Variants in CNTN4 observed in about 807,000 individuals in gnomAD.
The protein encoded by CNTN4 is contactin-4.
Under a neutral mutation model 122.5 loss-of-function variants are expected in CNTN4, and 77 were observed. That is an observed-to-expected ratio of 0.63 (90% CI 0.52 to 0.76). CNTN4 has a LOEUF of 0.76. Among genes scored for constraint, CNTN4 ranks in the 30% least tolerant of loss-of-function variants. CNTN4 has a pLI of 0.00. For synonymous variants in CNTN4, 512 were observed against 447.0 expected (o/e 1.15, Z -1.83); for missense variants, 1,256 against 1,259.1 (o/e 1.00, Z 0.04).
At chr3:2,683,352 A>G (rs1559383856) in intron 4 of CNTN4, among the ~76,000 whole-genome samples, 1 of 151,126 alleles carries the variant, frequency 6.6e-6, no homozygotes, top group Non-Finnish European at 1.5e-5. Context: ...ACACACACAC[A>G]CGCAGGTGGA....
At chr3:2,814,701 T>C (rs2092688732) in intron 6 of CNTN4, among the ~76,000 whole-genome samples, 2 of 152,232 alleles carry the variant, frequency 1.3e-5, no homozygotes, top group Non-Finnish European at 1.5e-5. Flanking sequence ...TCAGTGAAGA[T>C]GCCACAGATT....
At position 2,390,215 on chromosome 3, in the gene CNTN4, AGTGTGT is replaced by A. The variant is rs142190283; in HGVS notation, c.-89+51013_-89+51018del. ...ACTGTCAATGGGTTTAGGAAAAAAG[AGTGTGT>A]GTGTGTGTGTGTGTGTGTGTGTGTG... On this transcript the variant is annotated intron_variant, in intron 3 of 24. Coordinates refer to ENST00000418658, the MANE Select transcript of CNTN4 (RefSeq NM_175607.3). Among the ~76,000 whole-genome samples, 964 of 144,858 alleles carry A rather than the reference AGTGTGT, an allele frequency of 6.7e-3. 6 individuals are homozygous for A. Among genetic ancestry groups the A allele is most frequent in the African/African-American group, 0.021 (837 of 39,120 alleles).
At chr3:2,668,441 T>G (rs540318219) in intron 4 of CNTN4, among the ~76,000 whole-genome samples, 1 of 152,354 alleles carries the variant, frequency 6.6e-6, no homozygotes, top group South Asian at 2.1e-4. Flanking sequence ...CACATTGATT[T>G]TGTATCCTGA....
At chr3:2,228,635 T>A (rs565477986) in intron 2 of CNTN4, among the ~76,000 whole-genome samples, 1 of 152,258 alleles carries the variant, frequency 6.6e-6, no homozygotes, top group East Asian at 1.9e-4. Flanking sequence ...TATTATTATC[T>A]TCATTTATAG....
intron 4 of CNTN4, among the ~76,000 whole-genome samples, chr3:2,668,477 T>G (rs1191441043): frequency 1.3e-5 from 2 of 152,246 alleles, no homozygotes; most frequent in African/African-American, 4.8e-5. Flanking sequence ...GCTTATCAAC[T>G]TAAGGAGATT....
At chr3:2,305,889 G>A (rs570108901) in intron 2 of CNTN4, among the ~76,000 whole-genome samples, 1 of 152,234 alleles carries the variant, frequency 6.6e-6, no homozygotes, top group East Asian at 1.9e-4. Context: ...AACATTATAT[G>A]TAGAGTTTTG....
intron 2 of CNTN4, among the ~76,000 whole-genome samples, chr3:2,265,609 A>G (rs1375189667): frequency 6.6e-6 from 1 of 152,032 alleles, no homozygotes; most frequent in Non-Finnish European, 1.5e-5. Flanking sequence ...AAAGGATGTC[A>G]TTGGTATTTT....
intron 6 of CNTN4, among the ~76,000 whole-genome samples, chr3:2,764,726 G>A (rs969264184): frequency 4.6e-5 from 7 of 152,208 alleles, no homozygotes; most frequent in Middle Eastern, 3.4e-3. Context: ...TTCACACATC[G>A]TCAACCATCC....
chr3:2,544,369 G>A (rs1455189810), intron 3 of CNTN4, among the ~76,000 whole-genome samples: 1 of 152,004 alleles, frequency 6.6e-6, no homozygotes, highest in Admixed American at 6.6e-5. Context: ...TCTTAAACAA[G>A]CTTGGTCTCA....
intron 13 of CNTN4, among the ~76,000 whole-genome samples, chr3:2,981,689 G>C (rs897436365): frequency 3.3e-5 from 5 of 152,074 alleles, no homozygotes; most frequent in Non-Finnish European, 7.4e-5. Flanking sequence ...CCTTGAGCTA[G>C]CCAAATTTGT....
At chr3:2,979,978 C>T (rs532057044) in intron 13 of CNTN4, among the ~76,000 whole-genome samples, 7 of 152,198 alleles carry the variant, frequency 4.6e-5, no homozygotes, top group African/African-American at 1.2e-4. Flanking sequence ...TGGCAGCTTT[C>T]ATCATGTGTT....
At position 2,164,072 on chromosome 3, in the gene CNTN4, T is replaced by G. The variant is rs181643268; in HGVS notation, c.-145+63433T>G. ...ATAAAAGACTACATGTTGGGTACAA[T>G]GTACACTGCTTGGGTGATGAGTGCA... On this transcript the variant is annotated intron_variant, in intron 2 of 24. Transcript: ENST00000418658. 1.3e-4 allele frequency among the ~76,000 whole-genome samples: 20 copies of G among 152,154 alleles called. No individual in the cohort carries two copies. The South Asian group carries it at 2.3e-3, about 17-fold the overall frequency.
intron 3 of CNTN4, among the ~76,000 whole-genome samples, chr3:2,524,836 T>TAGGAAAAA (rs1575848393): frequency 6.6e-6 from 1 of 152,130 alleles, no homozygotes; most frequent in Non-Finnish European, 1.5e-5. Context: ...ATAAGAAGAA[T>TAGGAAAAA]AATTGTTTAG....
intron 3 of CNTN4, among the ~76,000 whole-genome samples, chr3:2,401,381 C>T (rs1045689214): frequency 6.6e-6 from 1 of 152,074 alleles, no homozygotes; most frequent in African/African-American, 2.4e-5. Context: ...TCGATCTACT[C>T]GTCCCTGCTG....
At chr3:2,849,655 A>G (rs917606913) in intron 7 of CNTN4, among the ~76,000 whole-genome samples, 2 of 152,240 alleles carry the variant, frequency 1.3e-5, no homozygotes, top group African/African-American at 4.8e-5. Context: ...GAAGAAGATC[A>G]AGGGATACAA....
intron 11 of CNTN4, 43 bp from the exon 12 acceptor site, chr3:2,902,833 T>A: frequency 1.9e-6 from 3 of 1,596,990 alleles, no homozygotes; most frequent in Non-Finnish European, 8.6e-7. Context: ...AAAGTCTCAG[T>A]TGTAGAAGGT....
intron 2 of CNTN4, among the ~76,000 whole-genome samples, chr3:2,146,812 G>C (rs1397478695): frequency 1.3e-5 from 2 of 152,238 alleles, no homozygotes; most frequent in Admixed American, 6.5e-5. Flanking sequence ...CTGGTACCTA[G>C]TAGATAATTA....
At chr3:2,996,029 A>G (rs987222579) in intron 14 of CNTN4, among the ~76,000 whole-genome samples, 1 of 152,222 alleles carries the variant, frequency 6.6e-6, no homozygotes, top group African/African-American at 2.4e-5. Flanking sequence ...TAAATATAAA[A>G]TTAGTAATAT....
intron 2 of CNTN4, among the ~76,000 whole-genome samples, chr3:2,317,957 G>T (rs1468620580): frequency 1.3e-5 from 2 of 152,110 alleles, no homozygotes; most frequent in African/African-American, 2.4e-5. Flanking sequence ...TTAGTCTTTT[G>T]TCTGCATTTT....
Sources: gnomAD v4.1 joint callset for allele counts (sites outside exome capture counted in the v4.1 genomes callset) on GRCh38, gnomAD v4.1.1 for gene constraint, MANE v1.5 for transcripts, NCBI Gene and HGNC (gene_info 2026-07-23, HGNC 2026-07-21) for gene names.